COL27A1: variants seen among roughly 807,000 people sequenced by gnomAD.
COL27A1 encodes the protein collagen alpha-1(XXVII) chain.
In COL27A1, 106 loss-of-function variants were observed where a neutral mutation model predicts 251.3. The observed-to-expected ratio is 0.42, with a 90% CI of 0.36 to 0.50. COL27A1 has a LOEUF of 0.50. COL27A1 is among the 20% of genes least tolerant of loss of function. The pLI, the probability that COL27A1 is intolerant of heterozygous loss-of-function variation, is 0.00. For synonymous variants in COL27A1, 1,000 were observed against 986.3 expected, an observed-to-expected ratio of 1.01 and a Z score of -0.26; for missense variants, 2,325 against 2,522.8, an observed-to-expected ratio of 0.92 and a Z score of 1.68.
At chr9:114,169,524 C>A in intron 3 of COL27A1, 61 bp downstream of exon 3, 3 of 1,329,878 alleles carry the variant, frequency 2.3e-6, no homozygotes, top group South Asian at 2.9e-5. Flanking sequence ...GGGCATTGGT[C>A]AAGTGGTTGC....
chr9:114,267,426 T>G (rs1356900119), intron 33 of COL27A1, 78 bp from the exon 34 acceptor site: 1 of 1,305,246 alleles, frequency 7.7e-7, no homozygotes, highest in Non-Finnish European at 1.1e-6. Context: ...CTTGCCCTCT[T>G]GGAGCCTCAG....
At chr9:114,310,166 A>G (rs1486292835) in intron 60 of COL27A1, among the ~76,000 whole-genome samples, 1 of 152,178 alleles carries the variant, frequency 6.6e-6, no homozygotes, top group Non-Finnish European at 1.5e-5. Context: ...CACATTGGGT[A>G]CCGTGTACAC....
At chr9:114,305,342 C>T (rs939388458) in intron 57 of COL27A1, among the ~76,000 whole-genome samples, 2 of 152,202 alleles carry the variant, frequency 1.3e-5, no homozygotes, top group Non-Finnish European at 2.9e-5. Context: ...CCCTTACCAT[C>T]TGTCCGGGGA....
chr9:114,291,246 C>T (rs979503252), intron 48 of COL27A1, among the ~76,000 whole-genome samples: 30 of 152,206 alleles, frequency 2.0e-4, no homozygotes, highest in African/African-American at 6.8e-4. Context: ...CCTTAGAAAG[C>T]TTCCCAGTGC....
chr9:114,247,381 T>C (rs548210922), intron 24 of COL27A1, among the ~76,000 whole-genome samples: 1 of 152,352 alleles, frequency 6.6e-6, no homozygotes, highest in South Asian at 2.1e-4. Context: ...ATGCTAAATT[T>C]CAATTAGAGG....
intron 7 of COL27A1, among the ~76,000 whole-genome samples, chr9:114,198,015 C>T (rs1161324885): frequency 6.6e-6 from 1 of 152,202 alleles, no homozygotes; most frequent in East Asian, 1.9e-4. Context: ...TCTTTGGTGA[C>T]AATAGCAGCC....
Position 114,168,566 on chromosome 9 carries a change from C to T in COL27A1, c.1011C>T (p.Leu337=), listed in dbSNP as rs763832682. The change falls in exon 3 of 61, where the codon CTC becomes CTT. Residue 337 remains leucine (L), a synonymous_variant. Transcript: ENST00000356083. ...CCAGTAACGCACTTGATCCCATGCT[C>T]CCAGCCTCTGTTGGCGGCTCTACCA... ...LSASNALDPM[L]PASVGGSTRT... The T allele has an allele frequency of 6.2e-7, 1 of 1,614,120 alleles. No individual in the cohort carries two copies.
intron 19 of COL27A1, 105 bp downstream of exon 19, chr9:114,237,820 A>G: frequency 2.3e-6 from 2 of 859,998 alleles, no homozygotes; most frequent in South Asian, 1.4e-5. Flanking sequence ...TAGGTCACAC[A>G]GGATATGAGA....
chr9:114,253,091 C>G (rs1564527053), intron 27 of COL27A1, among the ~76,000 whole-genome samples, 159 bp downstream of exon 27: 1 of 152,192 alleles, frequency 6.6e-6, no homozygotes, highest in Non-Finnish European at 1.5e-5. Context: ...AAAACCTTGT[C>G]TCTACGGAAA....
chr9:114,159,348 G>A (rs1014001672), intron 1 of COL27A1, among the ~76,000 whole-genome samples: 3 of 152,156 alleles, frequency 2.0e-5, no homozygotes, highest in Non-Finnish European at 4.4e-5. Flanking sequence ...GACATGTGTC[G>A]TTTTTGTACC....
intron 3 of COL27A1, 25 bp downstream of exon 3, chr9:114,169,488 C>A: frequency 6.7e-7 from 1 of 1,484,656 alleles, no homozygotes; most frequent in Non-Finnish European, 9.0e-7. Context: ...GGTCTGCATG[C>A]TGCTTGGAGC....
intron 23 of COL27A1, among the ~76,000 whole-genome samples, chr9:114,245,185 C>T (rs1588752911): frequency 1.5e-5 from 2 of 133,458 alleles, no homozygotes; most frequent in Non-Finnish European, 1.6e-5. Flanking sequence ...TTGACAGTCT[C>T]GCTCTTGTCA....
rs563530064 is a variant in COL27A1, at chr9:114,197,193, C to T, written c.2124+1181C>T. ...GTGTCTTAAGCTTCTGCCCTGGCTCCCAGCTGTGGCCACAGCTGAACTCTC... is the reference window on the plus strand; with the variant it reads ...GTGTCTTAAGCTTCTGCCCTGGCTCTCAGCTGTGGCCACAGCTGAACTCTC... On this transcript the variant is annotated intron_variant, in intron 7 of 60. Transcript: ENST00000356083. 2.6e-5 allele frequency among the ~76,000 whole-genome samples: 4 copies of T among 152,268 alleles called. No homozygotes were observed. The South Asian group carries it at 8.3e-4, about 32-fold the overall frequency.
At chr9:114,222,916 A>T (rs1024041894) in intron 14 of COL27A1, among the ~76,000 whole-genome samples, 2 of 152,212 alleles carry the variant, frequency 1.3e-5, no homozygotes, top group African/African-American at 2.4e-5. Flanking sequence ...TCCTTGGCAC[A>T]GGATCTGGCA....
Position 114,231,838 on chromosome 9 carries a change from TG to T in COL27A1, c.2542del (p.Glu848SerfsTer4), listed in dbSNP as rs2135434002. ...PKGMKGLMGS[V>X]GEPGLKGDKG... The stretch of plus-strand genomic sequence containing the variant: ...GTCTTGCAGGGACTGATGGGCAGCG[TG>T]GGGGAGCCCGGACTGAAAGGTGATA... On this transcript the variant is annotated frameshift_variant, in exon 16 of 61. Coordinates refer to ENST00000356083, the MANE Select transcript of COL27A1 (RefSeq NM_032888.4). LOFTEE classifies it high-confidence loss of function. 1.9e-6 allele frequency: 3 copies of T among 1,614,188 alleles called. No homozygotes were observed. Among genetic ancestry groups the T allele is most frequent in the Non-Finnish European group, 2.5e-6 (3 of 1,180,010 alleles).
At chr9:114,185,623 G>T (rs1828277291) in intron 5 of COL27A1, among the ~76,000 whole-genome samples, 1 of 152,238 alleles carries the variant, frequency 6.6e-6, no homozygotes, top group Non-Finnish European at 1.5e-5. Context: ...ATCCCCTTTG[G>T]GATGGGAGGT....
intron 34 of COL27A1, 141 bp from the exon 35 acceptor site, chr9:114,269,100 C>T (rs892438699): frequency 5.2e-6 from 3 of 573,582 alleles, no homozygotes; most frequent in African/African-American, 1.9e-5. Context: ...TTTACGATTT[C>T]TCTGTGGTCC....
chr9:114,233,332 C>T (rs559092592), intron 16 of COL27A1, among the ~76,000 whole-genome samples: 1 of 152,280 alleles, frequency 6.6e-6, no homozygotes, highest in Admixed American at 6.5e-5. Flanking sequence ...CAAGCCTATC[C>T]CTGGGTAGCC....
intron 28 of COL27A1, among the ~76,000 whole-genome samples, chr9:114,262,543 G>C (rs1048381238): frequency 6.6e-6 from 1 of 152,242 alleles, no homozygotes; most frequent in African/African-American, 2.4e-5. Context: ...GATGGAACTA[G>C]CCATTCTTAA....
Sources: gnomAD v4.1 joint callset for allele counts (sites outside exome capture counted in the v4.1 genomes callset) on GRCh38, gnomAD v4.1.1 for gene constraint, MANE v1.5 for transcripts, NCBI Gene and HGNC (gene_info 2026-07-23, HGNC 2026-07-21) for gene names.